The following LRBA variants were observed in gnomAD, a reference collection of about 807,000 sequenced individuals.
LRBA encodes LPS responsive beige-like anchor protein, also known as lipopolysaccharide-responsive and beige-like anchor protein.
Under a neutral mutation model 330.0 loss-of-function variants are expected in LRBA, and 176 were observed. The observed-to-expected ratio is 0.53, with a 90% CI of 0.47 to 0.60. The LOEUF (loss-of-function observed/expected upper bound fraction) is 0.60, where lower values mean the gene tolerates loss of function less well. Ranked by LOEUF, LRBA falls within the 20% of genes least tolerant of loss-of-function variation. LRBA has a pLI of 0.00. For synonymous variants in LRBA, 1,230 were observed against 1,193.0 expected, an observed-to-expected ratio of 1.03 and a Z score of -0.64; for missense variants, 3,259 against 3,444.8, an observed-to-expected ratio of 0.95 and a Z score of 1.35.
chr4:150,941,819 G>T (rs1050645554), intron 2 of LRBA, among the ~76,000 whole-genome samples: 1 of 151,810 alleles, frequency 6.6e-6, no homozygotes, highest in Non-Finnish European at 1.5e-5. Context: ...CCTGGGAGGC[G>T]GAGGTTGCAG....
At chr4:150,772,262 G>C (rs1736684997) in intron 34 of LRBA, among the ~76,000 whole-genome samples, 1 of 152,144 alleles carries the variant, frequency 6.6e-6, no homozygotes, top group African/African-American at 2.4e-5. Flanking sequence ...CCTGCATATT[G>C]TCAGAACAAT....
At chr4:150,385,140 T>A (rs1581170587) in intron 47 of LRBA, among the ~76,000 whole-genome samples, 1 of 152,142 alleles carries the variant, frequency 6.6e-6, no homozygotes, top group East Asian at 1.9e-4. Context: ...TGTAAAAAAA[T>A]AAATAAATAA....
intron 36 of LRBA, among the ~76,000 whole-genome samples, chr4:150,689,712 G>A (rs1478906044): frequency 6.6e-6 from 1 of 152,124 alleles, no homozygotes; most frequent in Non-Finnish European, 1.5e-5. Context: ...GATCGCTTGA[G>A]CATAGGAGTT....
intron 46 of LRBA, among the ~76,000 whole-genome samples, chr4:150,435,170 C>T (rs537845053): frequency 6.6e-6 from 1 of 151,914 alleles, no homozygotes; most frequent in African/African-American, 2.4e-5. Context: ...CATGGTGAAA[C>T]CCCATCTCTA....
At chr4:150,420,320 T>TACACATTATA (rs1748477427) in intron 46 of LRBA, among the ~76,000 whole-genome samples, 1 of 146,942 alleles carries the variant, frequency 6.8e-6, no homozygotes, top group African/African-American at 2.5e-5. Flanking sequence ...GTATATATAA[T>TACACATTATA]GCACATTATA....
intron 34 of LRBA, among the ~76,000 whole-genome samples, chr4:150,782,993 T>C (rs1738498331): frequency 6.6e-6 from 1 of 152,162 alleles, no homozygotes; most frequent in Admixed American, 6.5e-5. Flanking sequence ...GCATTGTGAC[T>C]GGTTTTGTTT....
chr4:150,479,742 C>G (rs1481102533), intron 42 of LRBA, among the ~76,000 whole-genome samples: 1 of 152,128 alleles, frequency 6.6e-6, no homozygotes, highest in Non-Finnish European at 1.5e-5. Flanking sequence ...ATTGGGGTTT[C>G]TGCTTCATTC....
rs56361792 is a variant in LRBA at position 150,596,089 on chromosome 4, G to T, written c.6046+2918C>A. 1.6e-3 allele frequency among the ~76,000 whole-genome samples: 243 copies of T among 151,934 alleles called. 1 individual carries two copies. Among genetic ancestry groups the T allele is most frequent in the Admixed American group, 3.7e-3 (56 of 15,266 alleles). On this transcript the variant is annotated intron_variant, in intron 38 of 56. Transcript: ENST00000651943. ...AAAGTTAAAGAAATCTCCCATTACA[G>T]CATGACTTTTATAAATAACCACTTT...
At chr4:150,445,371 C>CTATATATATA (rs1561188450) in intron 44 of LRBA, among the ~76,000 whole-genome samples, 1 of 84,386 alleles carries the variant, frequency 1.2e-5, no homozygotes, top group Non-Finnish European at 2.4e-5. Context: ...CTCTCTCTCT[C>CTATATATATA]TCTCTCTATA....
intron 52 of LRBA, among the ~76,000 whole-genome samples, chr4:150,308,533 G>T (rs988536294): frequency 6.6e-6 from 1 of 152,116 alleles, no homozygotes; most frequent in African/African-American, 2.4e-5. Flanking sequence ...AAAAGAAAAA[G>T]TTGATTCTAA....
At chr4:150,438,728 G>A (rs1025930088) in intron 44 of LRBA, among the ~76,000 whole-genome samples, 7 of 152,070 alleles carry the variant, frequency 4.6e-5, no homozygotes, top group African/African-American at 1.7e-4. Context: ...TTTTTAAACT[G>A]CTTTTCATGT....
chr4:150,832,920 C>CA (rs1232246753), intron 28 of LRBA, among the ~76,000 whole-genome samples: 2 of 152,096 alleles, frequency 1.3e-5, no homozygotes, highest in Non-Finnish European at 2.9e-5. Context: ...CAAGAATACA[C>CA]CACCACATCC....
Position 150,963,597 on chromosome 4 carries a change from C to T in LRBA, c.217-34532G>A, listed in dbSNP as rs939567084. Among the ~76,000 whole-genome samples the T allele has an allele frequency of 5.3e-5, 8 of 149,778 alleles. 1 individual carries two copies. Among genetic ancestry groups the T allele is most frequent in the African/African-American group, 1.8e-4 (7 of 39,098 alleles). Reference sequence around the variant, plus strand: ...AAGTGCCGAGATTGCAGCCTCTGCCCGGCTGCCACCCCATATAGGAAGTGA... The same window carrying T: ...AAGTGCCGAGATTGCAGCCTCTGCCTGGCTGCCACCCCATATAGGAAGTGA... On this transcript the variant is annotated intron_variant, in intron 2 of 56. Transcript: ENST00000651943.
At position 150,897,777 on chromosome 4, in the gene LRBA, C is replaced by G; in HGVS notation, c.1966G>C (p.Ala656Pro). The G allele has an allele frequency of 6.2e-7, 1 of 1,612,260 alleles. No individual in the cohort carries two copies. The highest frequency in any genetic ancestry group is 8.5e-7 in the Non-Finnish European group (1 of 1,178,798). Reference protein sequence around the residue: ...PNQKEMLSLRAFLLMFIKQLV... With the variant: ...PNQKEMLSLRPFLLMFIKQLV... ...TGCTTAATGAACATCAACAAGAATGCTCGTAGAGAAAGCATTTCTTTTTGA... is the reference window on the plus strand; with the variant it reads ...TGCTTAATGAACATCAACAAGAATGGTCGTAGAGAAAGCATTTCTTTTTGA... Residue 656 changes from alanine (A) to proline (P), a missense_variant, in exon 15 of 57, where the codon GCA (alanine) becomes CCA (proline). Ala to Pro is a conservative substitution (Grantham distance 27). Transcript: ENST00000651943.
rs966216941 is a variant in LRBA, at chr4:150,507,702, G to A, written c.6331-16667C>T. Among the ~76,000 whole-genome samples the A allele has an allele frequency of 4.6e-5, 7 of 152,284 alleles. No individual in the cohort carries two copies. In the South Asian group the frequency reaches 1.5e-3, roughly 32 times the overall value. Reference sequence around the variant, plus strand: ...TCATGTCTAAAACACCAAAAGCAATGTTAACAAAAGCCAAAATTGACAAAT... The same window carrying A: ...TCATGTCTAAAACACCAAAAGCAATATTAACAAAAGCCAAAATTGACAAAT... On this transcript the variant is annotated intron_variant, in intron 40 of 56. Transcript: ENST00000651943.
chr4:150,835,488 T>G (rs556170433), intron 28 of LRBA, among the ~76,000 whole-genome samples: 10 of 152,348 alleles, frequency 6.6e-5, no homozygotes, highest in African/African-American at 2.4e-4. Flanking sequence ...CGCTGAGCAG[T>G]GATTTGTAGT....
Position 150,808,404 on chromosome 4 carries a change from A to C in LRBA, c.5306-6T>G. 1 of 1,544,860 alleles carries C rather than the reference A, an allele frequency of 6.5e-7. No homozygotes were observed. The highest frequency in any genetic ancestry group is 2.2e-5 in the East Asian group (1 of 44,458). On this transcript the variant is annotated splice_polypyrimidine_tract_variant and splice_region_variant and intron_variant, in intron 31 of 56. Coordinates refer to ENST00000651943, the MANE Select transcript of LRBA (RefSeq NM_001364905.1). ...TGCATTAGATGATCTACTGCCTATA[A>C]AAGAAAAATAACCATCTATAGGAAT...
chr4:150,302,806 C>T lies in LRBA; in HGVS notation c.7850-14G>A, dbSNP rs1201185853. The T allele has an allele frequency of 6.5e-7, 1 of 1,543,506 alleles. No individual in the cohort carries two copies. ...GGATCAATCTTCCTGTAATGCAAAA[C>T]AATTTTCTTTAAAAATGCTATTAAA... is the stretch of plus-strand genomic sequence containing the variant. On this transcript the variant is annotated splice_polypyrimidine_tract_variant and intron_variant, in intron 52 of 56. Coordinates refer to ENST00000651943, the MANE Select transcript of LRBA (RefSeq NM_001364905.1).
chr4:150,615,797 T>C (rs898805530), intron 37 of LRBA, among the ~76,000 whole-genome samples: 2 of 152,018 alleles, frequency 1.3e-5, no homozygotes, highest in African/African-American at 4.8e-5. Flanking sequence ...CAATTAAGTA[T>C]GGCAATATGA....
Sources: allele counts gnomAD v4.1 joint callset (sites outside exome capture counted in the v4.1 genomes callset), GRCh38; gene constraint gnomAD v4.1.1; transcripts MANE v1.5; gene names NCBI Gene and HGNC (gene_info 2026-07-23, HGNC 2026-07-21).